Variants in NUP62CL observed in about 807,000 individuals in gnomAD.
NUP62CL encodes the protein nucleoporin-62 C-terminal-like protein.
A neutral mutation model predicts 15.3 loss-of-function variants in NUP62CL; 13 were observed. That is an observed-to-expected ratio of 0.85 (90% CI 0.55 to 1.35). NUP62CL has a LOEUF of 1.35. NUP62CL is among the 40% of genes most tolerant of loss of function. The pLI is 0.00. For missense variants in NUP62CL, 123 were observed against 130.6 expected, an observed-to-expected ratio of 0.94 and a Z score of 0.28; for synonymous variants, 54 against 49.2, an observed-to-expected ratio of 1.10 and a Z score of -0.41.
Position 107,153,207 on chromosome X carries a change from A to G in NUP62CL, c.495T>C (p.His165=), listed in dbSNP as rs1420201376. Residue 165 remains histidine (H), a synonymous_variant, in exon 7 of 9, where the codon CAT becomes CAC. Transcript: ENST00000372466. ...GCTCCTCATCTGCATCCTGCAGATA[A>G]TGAAGTCCACTCTGGTCACGCGTAG... The part of the protein sequence containing the change: ...EESTRDQSGL[H]YLQDADEEHV... 8.3e-7 allele frequency: 1 copy of G among 1,208,012 alleles called. No homozygotes were observed. Among genetic ancestry groups the G allele is most frequent in the Non-Finnish European group, 1.1e-6 (1 of 893,983 alleles).
At position 107,153,452 on chromosome X, in the gene NUP62CL, A is replaced by AC. The variant is rs1219081413; in HGVS notation, c.395+1dup. 3.5e-6 allele frequency: 4 copies of AC among 1,157,663 alleles called. No homozygotes were observed. The African/African-American group carries it at 5.5e-5, about 16-fold the overall frequency. On this transcript the variant is annotated splice_donor_variant, in intron 6 of 8. Transcript: ENST00000372466. LOFTEE classifies it high-confidence loss of function. Reference sequence around the variant, plus strand: ...TTCAACCAAGGAAATCTAAGGTTCTACCTTTTCTGATCCAGTTTCACTTTG... The same window carrying AC: ...TTCAACCAAGGAAATCTAAGGTTCTACCCTTTTCTGATCCAGTTTCACTTTG...
intron 4 of NUP62CL, among the ~76,000 whole-genome samples, chrX:107,154,533 C>A (rs1397930839): frequency 1.8e-5 from 2 of 112,023 alleles, no homozygotes; most frequent in East Asian, 5.6e-4. Context: ...TGCTCCTTCT[C>A]TTCCCCTCAT....
chrX:107,176,612 A>C (rs778842364), intron 2 of NUP62CL, among the ~76,000 whole-genome samples: 2 of 108,755 alleles, frequency 1.8e-5, no homozygotes, highest in South Asian at 8.2e-4. Context: ...CATAGTGGTG[A>C]TAGTTGTACA....
At chrX:107,198,514 C>T (rs974092916) in intron 1 of NUP62CL, among the ~76,000 whole-genome samples, 10 of 111,894 alleles carry the variant, frequency 8.9e-5, no homozygotes, top group Non-Finnish European at 1.5e-4. Flanking sequence ...TAACACTCAC[C>T]GTGAAGGTCT....
chrX:107,156,770 G>C (rs56027657), intron 4 of NUP62CL, among the ~76,000 whole-genome samples: 24,041 of 104,787 alleles, frequency 0.23, 2,463 homozygotes, highest in East Asian at 0.47. Context: ...ACGGAACAAA[G>C]CTGGATGGAG....
intron 1 of NUP62CL, among the ~76,000 whole-genome samples, chrX:107,197,619 A>G (rs1927386153): frequency 9.2e-6 from 1 of 109,015 alleles, no homozygotes; most frequent in South Asian, 4.0e-4. Flanking sequence ...AGAAAGGAAT[A>G]CTAGATGATA....
chrX:107,154,840 G>T (rs1330334262), intron 4 of NUP62CL, among the ~76,000 whole-genome samples: 1 of 111,715 alleles, frequency 9.0e-6, no homozygotes, highest in Non-Finnish European at 1.9e-5. Flanking sequence ...TTCCCTAAGT[G>T]GAAGACACAG....
intron 8 of NUP62CL, among the ~76,000 whole-genome samples, chrX:107,140,967 C>A (rs888765819): frequency 1.8e-5 from 2 of 111,938 alleles, no homozygotes; most frequent in Non-Finnish European, 3.8e-5. Context: ...GGAGAAAAAT[C>A]CGTCCTTCTC....
chrX:107,176,099 G>A (rs1926776403), intron 2 of NUP62CL, among the ~76,000 whole-genome samples: 1 of 111,496 alleles, frequency 9.0e-6, no homozygotes, highest in Non-Finnish European at 1.9e-5. Flanking sequence ...CAGGGATAAA[G>A]GCCATTCATA....
intron 8 of NUP62CL, among the ~76,000 whole-genome samples, chrX:107,141,514 A>G (rs1207840038): frequency 1.8e-5 from 2 of 112,013 alleles, no homozygotes; most frequent in African/African-American, 6.5e-5. Context: ...TTCACTTTTC[A>G]AGTAGGTGAA....
intron 1 of NUP62CL, among the ~76,000 whole-genome samples, chrX:107,204,139 T>A (rs1452190185): frequency 1.8e-5 from 2 of 111,492 alleles, no homozygotes; most frequent in Non-Finnish European, 3.8e-5. Context: ...AGGAGTCAAA[T>A]TCAGTTGTCT....
Position 107,189,877 on chromosome X carries a change from AAAAGAAAGAAAGAAAGAAAG to A in NUP62CL, c.-48+3132_-48+3151del, listed in dbSNP as rs55670914. On this transcript the variant is annotated intron_variant, in intron 2 of 8. Transcript: ENST00000372466. ...AGGAAGGAAGGAAGGAAAAAGAAAG[AAAAGAAAGAAAGAAAGAAAG>A]AAAGAAAGAAAGAAAGAAAGAAAGA... is the stretch of plus-strand genomic sequence containing the variant. 2.2e-3 allele frequency among the ~76,000 whole-genome samples: 126 copies of A among 56,096 alleles called. 1 individual carries two copies. The highest frequency in any genetic ancestry group is 7.6e-3 in the South Asian group (7 of 923). The allele number at this position is 56,096 out of a possible 115,157, so 48.7% of individuals were successfully genotyped here. A position where few individuals can be genotyped will look rare whatever the true frequency, so the allele number is the denominator to read the frequency against.
At chrX:107,136,791 G>A (rs1418040615) in intron 8 of NUP62CL, among the ~76,000 whole-genome samples, 1 of 112,580 alleles carries the variant, frequency 8.9e-6, no homozygotes. Context: ...CGTAGGCTGG[G>A]CGTGGTGGCT....
intron 2 of NUP62CL, among the ~76,000 whole-genome samples, chrX:107,181,913 A>C (rs990938398): frequency 1.8e-5 from 2 of 112,167 alleles, no homozygotes; most frequent in Non-Finnish European, 3.8e-5. Flanking sequence ...CTATTGCTTA[A>C]ACATGGGAAA....
intron 5 of NUP62CL, 50 bp downstream of exon 5, chrX:107,154,046 T>C: frequency 5.7e-6 from 6 of 1,060,340 alleles, no homozygotes; most frequent in Non-Finnish European, 7.6e-6. Flanking sequence ...CTTGTGTTCA[T>C]CTGCAAATAC....
At chrX:107,142,126 C>CA (rs1380901166) in intron 8 of NUP62CL, among the ~76,000 whole-genome samples, 3 of 110,070 alleles carry the variant, frequency 2.7e-5, no homozygotes, top group East Asian at 2.8e-4. Flanking sequence ...AATCCTACTC[C>CA]AAAAAATCTA....
At chrX:107,185,754 A>C (rs1247482374) in intron 2 of NUP62CL, among the ~76,000 whole-genome samples, 1 of 112,000 alleles carries the variant, frequency 8.9e-6, no homozygotes. Flanking sequence ...TAGTACATGT[A>C]AATGGCCTAT....
At chrX:107,153,547 T>G in intron 5 of NUP62CL, 44 bp from the exon 6 acceptor site, 1 of 823,185 alleles carries the variant, frequency 1.2e-6, no homozygotes, top group Non-Finnish European at 1.7e-6. Context: ...TATTTGAATT[T>G]ATATAACAAT....
chrX:107,139,934 T>G (rs953341467), intron 8 of NUP62CL, among the ~76,000 whole-genome samples: 1 of 111,662 alleles, frequency 9.0e-6, no homozygotes, highest in Admixed American at 9.5e-5. Flanking sequence ...AAAATCAAAG[T>G]TACACTCAGA....
Sources: gnomAD v4.1 joint callset for allele counts (sites outside exome capture counted in the v4.1 genomes callset) on GRCh38, gnomAD v4.1.1 for gene constraint, MANE v1.5 for transcripts, NCBI Gene and HGNC (gene_info 2026-07-23, HGNC 2026-07-21) for gene names.